Variants in PPT1 observed in about 807,000 individuals in gnomAD.
PPT1 encodes the protein ceroid-palmitoyl-palmitoyl-protein thioesterase 1.
Under a neutral mutation model 44.0 loss-of-function variants are expected in PPT1, and 24 were observed. The observed-to-expected ratio is 0.54, with a 90% CI of 0.39 to 0.77. The LOEUF (loss-of-function observed/expected upper bound fraction) is 0.77. Ranked by LOEUF, PPT1 falls within the 30% of genes least tolerant of loss-of-function variation. The pLI, the probability that PPT1 is intolerant of heterozygous loss-of-function variation, is 0.00. For missense variants in PPT1, 341 were observed against 378.8 expected (o/e 0.90, Z 0.83); for synonymous variants, 148 against 140.2 (o/e 1.06, Z -0.39).
intron 6 of PPT1, among the ~76,000 whole-genome samples, chr1:40,079,691 C>T (rs969978062): frequency 3.3e-5 from 5 of 152,086 alleles, no homozygotes; most frequent in African/African-American, 1.2e-4. Flanking sequence ...CCACCACGCC[C>T]GGCCTTCTAT....
intron 2 of PPT1, 91 bp downstream of exon 2, chr1:40,092,307 G>C: frequency 6.6e-7 from 1 of 1,525,068 alleles, no homozygotes; most frequent in Non-Finnish European, 9.1e-7. Context: ...TGTATGATCT[G>C]CTGCTGAAAA....
intron 1 of PPT1, chr1:40,096,793 G>C (rs1570475485): frequency 7.7e-6 from 3 of 387,386 alleles, no homozygotes; most frequent in East Asian, 1.1e-4. Flanking sequence ...CAGTCATATA[G>C]CCAGCCGCAG....
At chr1:40,084,124 G>C (rs1439367412) in intron 5 of PPT1, among the ~76,000 whole-genome samples, 2 of 152,148 alleles carry the variant, frequency 1.3e-5, no homozygotes, top group Non-Finnish European at 2.9e-5. Flanking sequence ...GAATTTAAAA[G>C]AAGTTGATTC....
At chr1:40,083,176 G>A (rs890398626) in intron 5 of PPT1, among the ~76,000 whole-genome samples, 1 of 152,210 alleles carries the variant, frequency 6.6e-6, no homozygotes, top group African/African-American at 2.4e-5. Flanking sequence ...AGCTGGGCAT[G>A]GTGGCTCATA....
rs191875563 is a variant in PPT1, at chr1:40,086,146, T to C, written c.536+3264A>G. ...CAGGATATGTAAAGCTCTAGCTTCC[T>C]CTGAGCTGGTACGGGGGAAGACGGA... On this transcript the variant is annotated intron_variant, in intron 5 of 8. Coordinates refer to ENST00000642050, the MANE Select transcript of PPT1 (RefSeq NM_000310.4). Among the ~76,000 whole-genome samples, 3 of 152,276 alleles carry C rather than the reference T, an allele frequency of 2.0e-5. No individual in the cohort carries two copies. The East Asian group carries it at 5.8e-4, about 29-fold the overall frequency.
At chr1:40,094,956 C>T (rs955047861) in intron 1 of PPT1, among the ~76,000 whole-genome samples, 1 of 152,122 alleles carries the variant, frequency 6.6e-6, no homozygotes, top group Non-Finnish European at 1.5e-5. Flanking sequence ...TGTTGGAGAA[C>T]CTTGCAAGTG....
At chr1:40,093,883 C>CA (rs11345893) in intron 1 of PPT1, 4,905 of 448,112 alleles carry the variant, frequency 0.011, 9 homozygotes, top group African/African-American at 0.016. Context: ...GGCTCCATCT[C>CA]AAAAAAAAAA....
intron 8 of PPT1, among the ~76,000 whole-genome samples, chr1:40,076,181 T>C (rs1466814197): frequency 1.3e-5 from 2 of 151,544 alleles, no homozygotes; most frequent in Non-Finnish European, 2.9e-5. Flanking sequence ...GTAATGTCCC[T>C]TGGCCAGGCG....
intron 7 of PPT1, among the ~76,000 whole-genome samples, chr1:40,078,251 G>A (rs1648731921): frequency 1.3e-5 from 2 of 152,200 alleles, no homozygotes; most frequent in Non-Finnish European, 1.5e-5. Flanking sequence ...AGGCTGGGGT[G>A]CAGTGGCACG....
intron 1 of PPT1, chr1:40,093,881 C>T: frequency 2.0e-6 from 1 of 505,176 alleles, no homozygotes; most frequent in East Asian, 3.1e-5. Flanking sequence ...AAGGCTCCAT[C>T]TCAAAAAAAA....
Position 40,096,228 on chromosome 1 carries a change from A to G in PPT1, c.124+887T>C, listed in dbSNP as rs534153766. 5.3e-5 allele frequency among the ~76,000 whole-genome samples: 8 copies of G among 152,186 alleles called. No individual in the cohort carries two copies. In the South Asian group the frequency reaches 1.7e-3, roughly 32 times the overall value. ...TCCAGTTTTTATCCTACACCCTACT[A>G]TATTTTTCTCTGTTGCACATATCAC... On this transcript the variant is annotated intron_variant, in intron 1 of 8. Coordinates refer to ENST00000642050, the MANE Select transcript of PPT1 (RefSeq NM_000310.4).
chr1:40,077,159 G>A (rs912708313), intron 7 of PPT1, among the ~76,000 whole-genome samples: 1 of 152,208 alleles, frequency 6.6e-6, no homozygotes, highest in African/African-American at 2.4e-5. Flanking sequence ...AAATTATTAA[G>A]CAATAAATGT....
intron 1 of PPT1, among the ~76,000 whole-genome samples, chr1:40,096,308 T>C (rs1168625968): frequency 2.0e-5 from 3 of 152,206 alleles, no homozygotes; most frequent in African/African-American, 7.2e-5. Context: ...CTTCTCCTAC[T>C]GGAGAGTAGG....
In PPT1 at chr1:40,079,393, T is replaced by A. The variant is rs531257981; in HGVS notation, c.628-735A>T. 8.7e-3 allele frequency among the ~76,000 whole-genome samples: 57 copies of A among 6,544 alleles called. 1 individual carries two copies. The highest frequency in any genetic ancestry group is 0.016 in the Non-Finnish European group (39 of 2,454). The allele number at this position is 6,544 out of a possible 152,430, so 4.3% of individuals were successfully genotyped here. ...TTGCTTACACAGCCTTTTCTTTTCC[T>A]TTTTTTTTTTTTTTTTTTTTTGAGA... On this transcript the variant is annotated intron_variant, in intron 6 of 8. Transcript: ENST00000642050.
At chr1:40,081,548 A>C (rs1388373716) in intron 5 of PPT1, among the ~76,000 whole-genome samples, 1 of 52,710 alleles carries the variant, frequency 1.9e-5, no homozygotes, top group Non-Finnish European at 4.2e-5. Context: ...AAAAATAAAT[A>C]AATAAATAAA....
intron 7 of PPT1, 106 bp downstream of exon 7, chr1:40,078,454 G>A: frequency 8.9e-7 from 1 of 1,127,600 alleles, no homozygotes; most frequent in Non-Finnish European, 1.3e-6. Flanking sequence ...CACCCGCCTT[G>A]GCCTCCCAGA....
At chr1:40,074,493 A>T (rs1648502162) in intron 8 of PPT1, among the ~76,000 whole-genome samples, 1 of 124,938 alleles carries the variant, frequency 8.0e-6, no homozygotes, top group Admixed American at 1.1e-4. Context: ...TTCAAGACGG[A>T]GTCTTGCTCG....
intron 7 of PPT1, 21 bp from the exon 8 acceptor site, chr1:40,076,934 A>G: frequency 6.2e-7 from 1 of 1,613,948 alleles, no homozygotes; most frequent in East Asian, 2.2e-5. Flanking sequence ...AGCAAAGGAA[A>G]GAAGCTCAGA....
Position 40,073,876 on chromosome 1 carries a change from T to A in PPT1, c.*185A>T. ...AATTAAACTTGCATTCAACACCATA[T>A]GGTAACAGAAGATGGCAAAGGATAA... On this transcript the variant is annotated 3_prime_UTR_variant, in exon 9 of 9. Transcript: ENST00000642050. 1 of 811,598 alleles carries A rather than the reference T, an allele frequency of 1.2e-6. No homozygotes were observed. Among genetic ancestry groups the A allele is most frequent in the Admixed American group, 2.2e-5 (1 of 45,458 alleles). The allele number at this position is 811,598 out of a possible 1,614,324, so 50.3% of individuals were successfully genotyped here.
Sources: allele counts gnomAD v4.1 joint callset (sites outside exome capture counted in the v4.1 genomes callset), GRCh38; gene constraint gnomAD v4.1.1; transcripts MANE v1.5; gene names NCBI Gene and HGNC (gene_info 2026-07-23, HGNC 2026-07-21).